Variants in CFAP221 observed in about 807,000 individuals in gnomAD.
CFAP221 encodes the protein cilia and flagella associated protein 221.
A neutral mutation model predicts 113.1 loss-of-function variants in CFAP221; 97 were observed. The observed-to-expected ratio is 0.86, with a 90% CI of 0.73 to 1.02. CFAP221 has a LOEUF of 1.02. Ranked by LOEUF, CFAP221 falls within the 50% of genes least tolerant of loss-of-function variation. The probability of loss-of-function intolerance (pLI) is 0.00; values close to 1 mark genes in which losing one functional copy is unlikely to be tolerated. For synonymous variants in CFAP221, 331 were observed against 354.4 expected (o/e 0.93, Z 0.74); for missense variants, 1,025 against 1,013.4 (o/e 1.01, Z -0.16).
rs1480105355 is a variant in CFAP221, at chr2:119,656,375, C to T, written c.2428C>T (p.Gln810Ter). The T allele has an allele frequency of 1.2e-6, 2 of 1,613,932 alleles. No individual in the cohort carries two copies. Among genetic ancestry groups the T allele is most frequent in the South Asian group, 1.1e-5 (1 of 91,070 alleles). The change falls in exon 24 of 24, where the codon CAA becomes TAA. Residue 810 changes from glutamine (Q) to a stop codon, truncating the protein, a stop_gained. Coordinates refer to ENST00000413369, the MANE Select transcript of CFAP221 (RefSeq NM_001271049.2). LOFTEE classifies it high-confidence loss of function. ...TTTGATACTCAGAGAAGTGAAAGAT[C>T]AAGCACAACCAGCAGAGAAGGCCGG... Reference protein sequence around the residue: ...DIRKEKEVKDQAQPAEKAGEK... With the variant: ...DIRKEKEVKD
intron 7 of CFAP221, 127 bp from the exon 8 acceptor site, chr2:119,601,091 G>T (rs1305600876): frequency 1.3e-5 from 12 of 938,800 alleles, no homozygotes; most frequent in Non-Finnish European, 1.6e-5. Context: ...ATTTTCAATT[G>T]TGTGGGGAGT....
intron 6 of CFAP221, among the ~76,000 whole-genome samples, chr2:119,581,747 T>C (rs1682863354): frequency 6.6e-6 from 1 of 152,114 alleles, no homozygotes; most frequent in Non-Finnish European, 1.5e-5. Context: ...AAGATAAATT[T>C]CTACCTAGAC....
chr2:119,570,363 A>G (rs541025181), intron 6 of CFAP221, among the ~76,000 whole-genome samples: 36 of 152,368 alleles, frequency 2.4e-4, no homozygotes, highest in Non-Finnish European at 4.0e-4. Context: ...ACACACTTAT[A>G]CTTTCCAAAA....
intron 6 of CFAP221, among the ~76,000 whole-genome samples, chr2:119,584,707 A>G (rs1043850294): frequency 6.6e-6 from 1 of 152,250 alleles, no homozygotes; most frequent in Non-Finnish European, 1.5e-5. Flanking sequence ...ACACAGGAAT[A>G]GAAACTCAAC....
At chr2:119,639,213 C>T (rs966329263) in intron 20 of CFAP221, among the ~76,000 whole-genome samples, 1 of 152,190 alleles carries the variant, frequency 6.6e-6, no homozygotes, top group Admixed American at 6.5e-5. Flanking sequence ...TTGATCCTGT[C>T]ATTTCCTGCT....
At chr2:119,617,672 G>C (rs1685622597) in intron 14 of CFAP221, among the ~76,000 whole-genome samples, 1 of 152,188 alleles carries the variant, frequency 6.6e-6, no homozygotes, top group Non-Finnish European at 1.5e-5. Context: ...CCACAGACCA[G>C]GCTCCCAGCA....
intron 21 of CFAP221, among the ~76,000 whole-genome samples, chr2:119,640,206 T>A: frequency 1.1e-5 from 1 of 88,086 alleles, no homozygotes; most frequent in Non-Finnish European, 2.2e-5. Context: ...AGAGACTCCA[T>A]CTCAAAACAA....
At chr2:119,653,564 C>G (rs1321895258) in intron 23 of CFAP221, among the ~76,000 whole-genome samples, 1 of 152,114 alleles carries the variant, frequency 6.6e-6, no homozygotes, top group Non-Finnish European at 1.5e-5. Flanking sequence ...CAACAATCTG[C>G]CAATGAACGT....
At chr2:119,620,709 A>C (rs1363686303) in intron 14 of CFAP221, among the ~76,000 whole-genome samples, 1 of 152,220 alleles carries the variant, frequency 6.6e-6, no homozygotes, top group Admixed American at 6.5e-5. Context: ...ACCAGCTAGC[A>C]TCATAATGAC....
At chr2:119,648,817 C>A (rs770477864) in intron 22 of CFAP221, among the ~76,000 whole-genome samples, 1 of 152,158 alleles carries the variant, frequency 6.6e-6, no homozygotes, top group Non-Finnish European at 1.5e-5. Flanking sequence ...AAGCTGGAAA[C>A]ACAAGAGGCC....
intron 7 of CFAP221, among the ~76,000 whole-genome samples, chr2:119,600,792 A>G (rs951760822): frequency 8.6e-5 from 13 of 152,014 alleles, no homozygotes; most frequent in Admixed American, 3.9e-4. Flanking sequence ...TTCTGCCTCT[A>G]CCACCCTTGA....
rs1378831541 is a variant in CFAP221, at chr2:119,625,630, A to G, written c.1458A>G (p.Glu486=). ...RLFNMLSAVR[E]MDKESILRKI... ...TCAATATGCTGAGTGCTGTTCGTGAAATGGACAAAGAGAGTATACTGAGAA... is the reference window on the plus strand; with the variant it reads ...TCAATATGCTGAGTGCTGTTCGTGAGATGGACAAAGAGAGTATACTGAGAA... Residue 486 remains glutamate (E), a synonymous_variant, in exon 15 of 24, where the codon GAA becomes GAG. Transcript: ENST00000413369. The G allele has an allele frequency of 6.2e-7, 1 of 1,614,022 alleles. No homozygotes were observed. The highest frequency in any genetic ancestry group is 8.5e-7 in the Non-Finnish European group (1 of 1,179,866).
chr2:119,562,068 G>A lies in CFAP221; in HGVS notation c.481G>A (p.Asp161Asn). ...IHAYPVMNSL[D>N]FPSFINLSNV... Reference sequence around the variant, plus strand: ...TGCCTATCCAGTCATGAACTCACTAGACTTTCCTTCATTTATAAATCTGTC... The same window carrying A: ...TGCCTATCCAGTCATGAACTCACTAAACTTTCCTTCATTTATAAATCTGTC... Residue 161 changes from aspartate (D) to asparagine (N), a missense_variant, in exon 6 of 24, where the codon GAC becomes AAC. Coordinates refer to ENST00000413369, the MANE Select transcript of CFAP221 (RefSeq NM_001271049.2). 2 of 1,535,286 alleles carry A rather than the reference G, an allele frequency of 1.3e-6. No individual in the cohort carries two copies. Among genetic ancestry groups the A allele is most frequent in the Non-Finnish European group, 1.7e-6 (2 of 1,146,610 alleles).
intron 1 of CFAP221, among the ~76,000 whole-genome samples, 190 bp downstream of exon 1, chr2:119,544,700 A>C (rs921337565): frequency 2.6e-5 from 4 of 151,936 alleles, no homozygotes; most frequent in Non-Finnish European, 5.9e-5. Flanking sequence ...GCCTGGGGCG[A>C]CCCTGACCCT....
chr2:119,582,022 A>C (rs930516792), intron 6 of CFAP221, among the ~76,000 whole-genome samples: 1 of 152,364 alleles, frequency 6.6e-6, no homozygotes, highest in South Asian at 2.1e-4. Flanking sequence ...AATTAAGGAA[A>C]GATGTGGAGT....
At chr2:119,616,829 T>C (rs1486217358) in intron 14 of CFAP221, among the ~76,000 whole-genome samples, 2 of 152,186 alleles carry the variant, frequency 1.3e-5, no homozygotes, top group African/African-American at 2.4e-5. Context: ...CTTGTGCACT[T>C]TAGTATTTAG....
Position 119,604,970 on chromosome 2 carries a change from T to C in CFAP221, c.1007T>C (p.Ile336Thr), listed in dbSNP as rs1324884141. 3.7e-6 allele frequency: 6 copies of C among 1,613,896 alleles called. No homozygotes were observed. Among genetic ancestry groups the C allele is most frequent in the Non-Finnish European group, 5.1e-6 (6 of 1,179,940 alleles). ...AACCAAGAACCAGGAAAATTGAAGATTAAAGAATTAAGAGAAGGTAACCAG... is the reference window on the plus strand; with the variant it reads ...AACCAAGAACCAGGAAAATTGAAGACTAAAGAATTAAGAGAAGGTAACCAG... ...VLNQEPGKLK[I>T]KELREVLDQG... The change falls in exon 10 of 24, where the codon ATT becomes ACT. Residue 336 changes from isoleucine (I) to threonine (T), a missense_variant. Coordinates refer to ENST00000413369, the MANE Select transcript of CFAP221 (RefSeq NM_001271049.2).
Position 119,638,569 on chromosome 2 carries a change from C to A in CFAP221, c.2133+152C>A, listed in dbSNP as rs1574208869. On this transcript the variant is annotated intron_variant, in intron 20 of 23. Coordinates refer to ENST00000413369, the MANE Select transcript of CFAP221 (RefSeq NM_001271049.2). ...AACACCGCCCCTCATACCGCCAGCCCTAAAGGGGTACAGGTGGAGACCCCG... is the reference window on the plus strand; with the variant it reads ...AACACCGCCCCTCATACCGCCAGCCATAAAGGGGTACAGGTGGAGACCCCG... 5.9e-6 allele frequency: 6 copies of A among 1,015,138 alleles called. No homozygotes were observed. In the East Asian group the frequency reaches 1.5e-4, roughly 26 times the overall value. The allele number at this position is 1,015,138 out of a possible 1,614,324, so 62.9% of individuals were successfully genotyped here. A position where few individuals can be genotyped will look rare whatever the true frequency, so the allele number is the denominator to read the frequency against.
intron 7 of CFAP221, 100 bp downstream of exon 7, chr2:119,587,322 G>A: frequency 1.4e-6 from 1 of 729,180 alleles, no homozygotes; most frequent in Non-Finnish European, 2.0e-6. Flanking sequence ...ACACATAACT[G>A]ACCTGATGTA....
Sources: gnomAD v4.1 joint callset for allele counts (sites outside exome capture counted in the v4.1 genomes callset) on GRCh38, gnomAD v4.1.1 for gene constraint, MANE v1.5 for transcripts, NCBI Gene and HGNC (gene_info 2026-07-23, HGNC 2026-07-21) for gene names.